The following USP34 variants were observed in gnomAD, a reference collection of about 807,000 sequenced individuals.
The protein encoded by USP34 is ubiquitin specific peptidase 34.
A neutral mutation model predicts 460.3 loss-of-function variants in USP34; 70 were observed. That is an observed-to-expected ratio of 0.15 (90% CI 0.13 to 0.19). The LOEUF (loss-of-function observed/expected upper bound fraction) is 0.19. Ranked by LOEUF, USP34 falls within the 10% of genes least tolerant of loss-of-function variation. The pLI, the probability that USP34 is intolerant of heterozygous loss-of-function variation, is 1.00. For synonymous variants in USP34, 1,647 were observed against 1,405.3 expected (o/e 1.17, Z -3.85); for missense variants, 3,985 against 4,236.2 (o/e 0.94, Z 1.65).
chr2:61,441,964 T>TA (rs1694978955), intron 1 of USP34, among the ~76,000 whole-genome samples: 1 of 152,018 alleles, frequency 6.6e-6, no homozygotes, highest in South Asian at 2.1e-4. Context: ...GCCCAGAAGT[T>TA]AATACACGTA....
chr2:61,223,294 T>C lies in USP34; in HGVS notation c.7598A>G (p.His2533Arg), dbSNP rs762313435. 3 of 1,613,588 alleles carry C rather than the reference T, an allele frequency of 1.9e-6. No individual in the cohort carries two copies. Among genetic ancestry groups the C allele is most frequent in the East Asian group, 2.2e-5 (1 of 44,840 alleles). The change falls in exon 63 of 80, where the codon CAT becomes CGT. Residue 2533 changes from histidine (H) to arginine (R), a missense_variant and splice_region_variant. Physicochemically the swap from His to Arg is conservative, Grantham distance 29. Coordinates refer to ENST00000398571, the MANE Select transcript of USP34 (RefSeq NM_014709.4). ...LLVEQSRSER[H>R]LTLSQTDMAA... is the part of the protein sequence containing the mutation. ...CATGTCAGTCTGTGATAATGTCAAA[T>C]GCCTGAAAGAAAATATTAGTGGAAA...
rs200192957 is a variant in USP34 at position 61,348,102 on chromosome 2, C to A, written c.2053G>T (p.Val685Leu). Residue 685 changes from valine to leucine, a missense_variant, in exon 15 of 80, where the codon GTA (valine) becomes TTA (leucine). By Grantham distance (32) the Val-to-Leu change is conservative. Around this residue, in one of 14 missense-constraint regions of USP34, gnomAD observed 716 missense variants for 626.2 expected, o/e 1.14. Transcript: ENST00000398571. ...TCCAGCATTCGCATTCGATTATCTACTGATGGCAATGATTCAGTGTTAAAA... is the reference window on the plus strand; with the variant it reads ...TCCAGCATTCGCATTCGATTATCTAATGATGGCAATGATTCAGTGTTAAAA... The part of the protein sequence containing the change: ...LVFNTESLPS[V>L]DNRMRMLDAC... 144 of 1,614,224 alleles carry A rather than the reference C, an allele frequency of 8.9e-5. 2 individuals carry two copies. Among genetic ancestry groups the A allele is most frequent in the South Asian group, 6.6e-4 (60 of 91,080 alleles).
Position 61,348,900 on chromosome 2 carries a change from A to AT in USP34, c.1544-15dup. On this transcript the variant is annotated splice_polypyrimidine_tract_variant and intron_variant, in intron 13 of 79. Coordinates refer to ENST00000398571, the MANE Select transcript of USP34 (RefSeq NM_014709.4). ...CTGCAGGTGACCCTATATAAAATAC[A>AT]TTTTTTGTTTTTACTTCTAATTTAT... 1 of 1,589,072 alleles carries AT rather than the reference A, an allele frequency of 6.3e-7. No homozygotes were observed.
intron 1 of USP34, among the ~76,000 whole-genome samples, chr2:61,423,101 T>C (rs1573026422): frequency 6.6e-6 from 1 of 152,204 alleles, no homozygotes; most frequent in East Asian, 1.9e-4. Context: ...AAAAATCAGA[T>C]ATACTTTTGT....
At chr2:61,374,606 G>C (rs986921325) in intron 8 of USP34, among the ~76,000 whole-genome samples, 2 of 136,286 alleles carry the variant, frequency 1.5e-5, no homozygotes, top group Non-Finnish European at 3.2e-5. Context: ...TGTATCTGGA[G>C]ACTTCAATAC....
intron 3 of USP34, among the ~76,000 whole-genome samples, chr2:61,405,232 C>CAAAAAAAAAAAA (rs199659618): frequency 1.9e-4 from 15 of 78,060 alleles, no homozygotes; most frequent in African/African-American, 2.5e-4. Context: ...GACTCCATCT[C>CAAAAAAAAAAAA]AAAAAAAAAA....
At chr2:61,374,059 G>T (rs956668520) in intron 8 of USP34, among the ~76,000 whole-genome samples, 1 of 151,868 alleles carries the variant, frequency 6.6e-6, no homozygotes, top group Non-Finnish European at 1.5e-5. Context: ...AGGAGGCTGA[G>T]GCAGCACAAT....
chr2:61,382,872 T>C (rs1467279908), intron 6 of USP34, among the ~76,000 whole-genome samples: 1 of 152,238 alleles, frequency 6.6e-6, no homozygotes, highest in Non-Finnish European at 1.5e-5. Context: ...ACTTATCACT[T>C]TCTGATGTAG....
intron 1 of USP34, among the ~76,000 whole-genome samples, chr2:61,447,866 C>T (rs1227965061): frequency 6.6e-6 from 1 of 152,132 alleles, no homozygotes; most frequent in Non-Finnish European, 1.5e-5. Flanking sequence ...CAGGTGCGCG[C>T]CACCACACCA....
At chr2:61,275,378 AG>A (rs140203177) in intron 41 of USP34, among the ~76,000 whole-genome samples, 180 of 152,322 alleles carry the variant, frequency 1.2e-3, no homozygotes, top group Middle Eastern at 6.8e-3. Context: ...ACAGTTTGGG[AG>A]GCCAAGACGG....
At chr2:61,242,498 C>CACACACA (rs1688296686) in intron 51 of USP34, among the ~76,000 whole-genome samples, 2 of 144,044 alleles carry the variant, frequency 1.4e-5, no homozygotes, top group South Asian at 4.5e-4. Context: ...CACACACACA[C>CACACACA]ACACGATGCA....
chr2:61,306,707 T>C (rs976222704), intron 27 of USP34, among the ~76,000 whole-genome samples: 3 of 152,070 alleles, frequency 2.0e-5, no homozygotes, highest in African/African-American at 2.4e-5. Context: ...AAAAGACACA[T>C]GAAAAAATGC....
intron 75 of USP34, among the ~76,000 whole-genome samples, chr2:61,196,069 A>ACTTTTTTT (rs1686795624): frequency 4.8e-5 from 2 of 41,576 alleles, no homozygotes; most frequent in Non-Finnish European, 8.1e-5. Context: ...ACCATGCACG[A>ACTTTTTTT]TTTTTTTTTT....
intron 27 of USP34, among the ~76,000 whole-genome samples, chr2:61,302,035 G>T (rs1014588619): frequency 6.6e-6 from 1 of 152,186 alleles, no homozygotes; most frequent in Non-Finnish European, 1.5e-5. Flanking sequence ...CAAATTCCCA[G>T]TTCCACAAGG....
At chr2:61,420,199 T>G (rs926781085) in intron 2 of USP34, among the ~76,000 whole-genome samples, 5 of 152,210 alleles carry the variant, frequency 3.3e-5, no homozygotes, top group Admixed American at 2.0e-4. Flanking sequence ...TTCATTGGTT[T>G]ATTCAAGGGA....
intron 2 of USP34, among the ~76,000 whole-genome samples, chr2:61,413,879 C>A: frequency 6.7e-6 from 1 of 148,666 alleles, no homozygotes; most frequent in Non-Finnish European, 1.5e-5. Context: ...TGCAGTGAGC[C>A]AAGATCGCGC....
chr2:61,400,671 A>T (rs1324139781), intron 3 of USP34, among the ~76,000 whole-genome samples: 1 of 152,074 alleles, frequency 6.6e-6, no homozygotes, highest in African/African-American at 2.4e-5. Flanking sequence ...GAAACAGAGC[A>T]AGACCCTGCC....
At chr2:61,283,570 T>TGTGTGAGTGAGA in intron 35 of USP34, 121 bp from the exon 36 acceptor site, 1 of 969,138 alleles carries the variant, frequency 1.0e-6, no homozygotes. Context: ...AAGCAGTGGG[T>TGTGTGAGTGAGA]GTGTGAGTGA....
chr2:61,457,716 T>C (rs934768356), intron 1 of USP34, among the ~76,000 whole-genome samples: 3 of 152,054 alleles, frequency 2.0e-5, no homozygotes, highest in South Asian at 2.1e-4. Flanking sequence ...AGCAAGCAAG[T>C]TGGGTGTCAT....
Sources: allele counts gnomAD v4.1 joint callset (sites outside exome capture counted in the v4.1 genomes callset), GRCh38; gene constraint gnomAD v4.1.1; regional missense constraint gnomAD v4.1.1; transcripts MANE v1.5; gene names NCBI Gene and HGNC (gene_info 2026-07-23, HGNC 2026-07-21).